Variants in RBMS3 observed in about 807,000 individuals in gnomAD.
RBMS3 encodes the protein RNA binding motif single stranded interacting protein 3.
RBMS3 carries 27 observed loss-of-function variants against 66.8 expected under a neutral mutation model. That is an observed-to-expected ratio of 0.40 (90% confidence interval 0.30 to 0.56). RBMS3 has a LOEUF of 0.56. RBMS3 is among the 20% of genes least tolerant of loss of function. The pLI is 0.40. For missense variants in RBMS3, 513 were observed against 549.5 expected (o/e 0.93, Z 0.66); for synonymous variants, 188 against 183.0 (o/e 1.03, Z -0.22).
At chr3:29,592,080 T>C (rs2047756639) in intron 4 of RBMS3, among the ~76,000 whole-genome samples, 1 of 148,906 alleles carries the variant, frequency 6.7e-6, no homozygotes, top group Non-Finnish European at 1.5e-5. Context: ...TTGACAGTAG[T>C]TGTCTTCGAA....
At chr3:29,830,695 C>T (rs1193409912) in intron 6 of RBMS3, among the ~76,000 whole-genome samples, 2 of 152,100 alleles carry the variant, frequency 1.3e-5, no homozygotes, top group African/African-American at 4.8e-5. Flanking sequence ...TCTACTCAGA[C>T]AGTAGAAGTT....
intron 2 of RBMS3, among the ~76,000 whole-genome samples, chr3:29,456,347 A>G (rs548310056): frequency 6.6e-6 from 1 of 152,330 alleles, no homozygotes; most frequent in African/African-American, 2.4e-5. Context: ...AGAAGTTAAT[A>G]CCATATTATA....
At chr3:29,654,276 G>C (rs552134748) in intron 4 of RBMS3, among the ~76,000 whole-genome samples, 28 of 152,166 alleles carry the variant, frequency 1.8e-4, no homozygotes, top group Non-Finnish European at 3.5e-4. Context: ...GGTGATGAAA[G>C]AATCTAGATT....
chr3:29,541,721 A>G (rs2045767563), intron 3 of RBMS3, among the ~76,000 whole-genome samples: 1 of 152,158 alleles, frequency 6.6e-6, no homozygotes, highest in Admixed American at 6.5e-5. Context: ...TCTCACATAG[A>G]GTAATGCAAG....
At chr3:29,427,430 T>G (rs1451996682) in intron 1 of RBMS3, among the ~76,000 whole-genome samples, 1 of 152,210 alleles carries the variant, frequency 6.6e-6, no homozygotes, top group African/African-American at 2.4e-5. Flanking sequence ...CTACCACAGT[T>G]CTTATCGTGT....
At chr3:29,517,191 C>T (rs13081118) in intron 3 of RBMS3, among the ~76,000 whole-genome samples, 25,894 of 150,458 alleles carry the variant, frequency 0.17, 2,925 homozygotes, top group East Asian at 0.47. Context: ...CCAGCCTGGG[C>T]GACACAGCGA....
intron 7 of RBMS3, among the ~76,000 whole-genome samples, chr3:29,876,723 G>A (rs73055705): frequency 0.12 from 18,839 of 152,070 alleles, 1,357 homozygotes; most frequent in Middle Eastern, 0.24. Flanking sequence ...CCCACAGAAA[G>A]TAATGGAGAA....
In RBMS3 at chr3:29,698,820, G is replaced by A. The variant is rs527236263; in HGVS notation, c.400-40900G>A. Among the ~76,000 whole-genome samples, 54 of 152,014 alleles carry A rather than the reference G, an allele frequency of 3.6e-4. 1 individual carries two copies. The highest frequency in any genetic ancestry group is 1.2e-3 in the South Asian group (6 of 4,816). ...TGTAATTACACATTTTTTGTTGTAC[G>A]AAAAATTTATATAATTAATACTACC... On this transcript the variant is annotated intron_variant, in intron 4 of 14. Transcript: ENST00000383767.
rs193284080 is a variant in RBMS3, at chr3:29,818,267, A to G, written c.638-50591A>G. On this transcript the variant is annotated intron_variant, in intron 6 of 14. Coordinates refer to ENST00000383767, the MANE Select transcript of RBMS3 (RefSeq NM_001003793.3). Reference sequence around the variant, plus strand: ...TTCTCTTCTACTGACAGTATACCGCATTGTTTTTTCTCCTTTCATTTAGTT... The same window carrying G: ...TTCTCTTCTACTGACAGTATACCGCGTTGTTTTTTCTCCTTTCATTTAGTT... Among the ~76,000 whole-genome samples the G allele has an allele frequency of 2.6e-5, 4 of 152,032 alleles. No individual in the cohort carries two copies. In the East Asian group the frequency reaches 7.7e-4, roughly 29 times the overall value.
intron 2 of RBMS3, among the ~76,000 whole-genome samples, chr3:29,487,282 G>C (rs903496844): frequency 6.6e-6 from 1 of 152,108 alleles, no homozygotes; most frequent in African/African-American, 2.4e-5. Context: ...ATAATCTCGT[G>C]TGGTAATAGG....
intron 11 of RBMS3, among the ~76,000 whole-genome samples, chr3:29,940,381 T>A (rs927052671): frequency 1.3e-5 from 2 of 151,874 alleles, no homozygotes; most frequent in African/African-American, 2.4e-5. Context: ...AAGTCAAGAT[T>A]AAGATTAAGA....
chr3:29,509,734 A>C (rs925113038), intron 3 of RBMS3, among the ~76,000 whole-genome samples: 4 of 152,330 alleles, frequency 2.6e-5, no homozygotes, highest in African/African-American at 7.2e-5. Flanking sequence ...AAGTATACCC[A>C]GAATTTAGCA....
intron 5 of RBMS3, among the ~76,000 whole-genome samples, chr3:29,758,356 G>C (rs958823299): frequency 6.6e-6 from 1 of 152,150 alleles, no homozygotes; most frequent in Non-Finnish European, 1.5e-5. Context: ...CTAGTTTTTA[G>C]GGAAGCCAAT....
intron 11 of RBMS3, 113 bp from the exon 12 acceptor site, chr3:29,944,094 T>G (rs2149704112): frequency 1.2e-6 from 1 of 835,904 alleles, no homozygotes; most frequent in South Asian, 1.5e-5. Context: ...TAAGGCAGGG[T>G]GGGTCAGGCA....
chr3:29,842,211 T>C (rs548346146), intron 6 of RBMS3, among the ~76,000 whole-genome samples: 1 of 152,310 alleles, frequency 6.6e-6, no homozygotes, highest in East Asian at 1.9e-4. Context: ...TTGTCATTAT[T>C]AATTGCATTC....
intron 4 of RBMS3, among the ~76,000 whole-genome samples, chr3:29,653,193 G>C (rs1195404487): frequency 6.6e-6 from 1 of 152,092 alleles, no homozygotes; most frequent in Non-Finnish European, 1.5e-5. Flanking sequence ...TTTAATTCTA[G>C]ATCTGTTGCT....
intron 2 of RBMS3, among the ~76,000 whole-genome samples, chr3:29,478,849 A>C (rs1299685812): frequency 1.3e-5 from 2 of 152,356 alleles, no homozygotes; most frequent in African/African-American, 2.4e-5. Context: ...TCAAGGAACA[A>C]GTTTCTTTAG....
intron 4 of RBMS3, among the ~76,000 whole-genome samples, chr3:29,607,470 C>T (rs556640281): frequency 7.9e-5 from 12 of 151,858 alleles, no homozygotes; most frequent in African/African-American, 2.9e-4. Flanking sequence ...GGATATTATT[C>T]CCATATATGA....
chr3:29,997,789 A>G (rs977626585), intron 14 of RBMS3, among the ~76,000 whole-genome samples: 1 of 152,144 alleles, frequency 6.6e-6, no homozygotes, highest in Non-Finnish European at 1.5e-5. Flanking sequence ...AGAGCTATCT[A>G]TGACAAACCC....
Sources: gnomAD v4.1 joint callset for allele counts (sites outside exome capture counted in the v4.1 genomes callset) on GRCh38, gnomAD v4.1.1 for gene constraint, MANE v1.5 for transcripts, NCBI Gene and HGNC (gene_info 2026-07-23, HGNC 2026-07-21) for gene names.